The following PTGER3 variants were observed in gnomAD, a reference collection of about 807,000 sequenced individuals.
The protein encoded by PTGER3 is prostaglandin E receptor 3, also known as prostaglandin E2 receptor EP3 subtype.
Under a neutral mutation model 34.7 loss-of-function variants are expected in PTGER3, and 22 were observed. That is an observed-to-expected ratio of 0.63 (90% CI 0.45 to 0.91). The LOEUF (loss-of-function observed/expected upper bound fraction) is 0.91, where lower values mean the gene tolerates loss of function less well. Ranked by LOEUF, PTGER3 falls within the 40% of genes least tolerant of loss-of-function variation. PTGER3 has a pLI of 0.00. For synonymous variants in PTGER3, 241 were observed against 230.1 expected (o/e 1.05, Z -0.43); for missense variants, 468 against 519.4 (o/e 0.90, Z 0.96).
intron 2 of PTGER3, chr1:71,007,079 A>G: frequency 2.0e-6 from 2 of 984,808 alleles, no homozygotes; most frequent in Non-Finnish European, 2.4e-6. Flanking sequence ...AAAACTTTAC[A>G]TAGAGGTGAT....
chr1:70,862,871 A>T (rs1449385011), intron 4 of PTGER3, among the ~76,000 whole-genome samples: 1 of 152,136 alleles, frequency 6.6e-6, no homozygotes, highest in Non-Finnish European at 1.5e-5. Context: ...GGATAACTGA[A>T]TGGTTCTTAG....
chr1:70,862,501 A>G lies in PTGER3; in HGVS notation c.*24-9642T>C, dbSNP rs569893687. 2.7e-4 allele frequency: 180 copies of G among 672,452 alleles called. 1 individual carries two copies. Among genetic ancestry groups the G allele is most frequent in the South Asian group, 6.8e-4 (47 of 69,312 alleles). The allele number at this position is 672,452 out of a possible 1,614,324, so 41.7% of individuals were successfully genotyped here. A position where few individuals can be genotyped will look rare whatever the true frequency, so the allele number is the denominator to read the frequency against. ...TTTGGATATGGTGTAATGGTGAACT[A>G]TAGGGAATTAAGGGAGGACAGGGGA... On this transcript the variant is annotated intron_variant, in intron 4 of 4. Transcript: ENST00000370931.
chr1:70,932,672 A>G (rs1318633562), intron 4 of PTGER3, among the ~76,000 whole-genome samples: 1 of 152,156 alleles, frequency 6.6e-6, no homozygotes, highest in Non-Finnish European at 1.5e-5. Flanking sequence ...AATTGCACCC[A>G]TGATTTATAT....
intron 4 of PTGER3, among the ~76,000 whole-genome samples, chr1:70,929,712 AAT>A (rs1259995978): frequency 6.6e-6 from 1 of 152,196 alleles, no homozygotes. Flanking sequence ...AGAAATAAAC[AAT>A]AGTTTTAACT....
chr1:70,901,902 A>C (rs12041247), intron 4 of PTGER3, among the ~76,000 whole-genome samples: 7,189 of 152,262 alleles, frequency 0.047, 547 homozygotes, highest in South Asian at 0.21. Context: ...ATTAAACTTC[A>C]AAAATATCAG....
At chr1:71,006,574 G>T in intron 2 of PTGER3, 1 of 981,610 alleles carries the variant, frequency 1.0e-6, no homozygotes, top group Non-Finnish European at 1.2e-6. Flanking sequence ...TGCACTCTGT[G>T]TTAAGAACAA....
rs767975894 is a variant in PTGER3 at position 70,922,628 on chromosome 1, CA to C, written c.*23+31134del. Among the ~76,000 whole-genome samples the C allele has an allele frequency of 3.6e-4, 52 of 145,326 alleles. No individual in the cohort carries two copies. The East Asian group carries it at 8.4e-3, about 23-fold the overall frequency. On this transcript the variant is annotated intron_variant, in intron 4 of 4. Transcript: ENST00000370931. ...ATCCCTTACTTACCAAGGCTTTCAC[CA>C]AAAAAAAAAGTTGCTAAGAGTTAAC... is the stretch of plus-strand genomic sequence containing the variant.
intron 2 of PTGER3, among the ~76,000 whole-genome samples, chr1:70,963,566 G>A (rs555774557): frequency 5.9e-5 from 9 of 152,274 alleles, no homozygotes; most frequent in Non-Finnish European, 8.8e-5. Context: ...CAAGGCCCAG[G>A]GCCTGCGCCC....
chr1:70,934,167 A>G (rs1648986613), intron 4 of PTGER3, among the ~76,000 whole-genome samples: 1 of 152,274 alleles, frequency 6.6e-6, no homozygotes, highest in Non-Finnish European at 1.5e-5. Context: ...TAGAAAACTA[A>G]ACTCGTAATT....
chr1:70,929,104 T>C (rs1648447193), intron 4 of PTGER3, among the ~76,000 whole-genome samples: 1 of 152,200 alleles, frequency 6.6e-6, no homozygotes, highest in Non-Finnish European at 1.5e-5. Context: ...TATTATCTTC[T>C]GTCATAGAAA....
In PTGER3 at chr1:71,011,788, G is replaced by A. The variant is rs567334846; in HGVS notation, c.1077+517C>T. Reference sequence around the variant, plus strand: ...AAGGAGGAAAAAAGTGACAGAAAGCGAGAGAGGCAATGAAAGAGAACACAG... The same window carrying A: ...AAGGAGGAAAAAAGTGACAGAAAGCAAGAGAGGCAATGAAAGAGAACACAG... On this transcript the variant is annotated intron_variant, in intron 2 of 3. Transcript: ENST00000306666. 3.4e-5 allele frequency: 34 copies of A among 989,012 alleles called. No individual in the cohort carries two copies. The South Asian group carries it at 1.2e-3, about 35-fold the overall frequency. 61.3% of individuals were successfully genotyped at this position (989,012 alleles called of 1,614,324 possible). A position where few individuals can be genotyped will look rare whatever the true frequency, so the allele number is the denominator to read the frequency against.
chr1:70,956,473 T>C (rs1651348767), intron 2 of PTGER3, among the ~76,000 whole-genome samples: 1 of 151,948 alleles, frequency 6.6e-6, no homozygotes, highest in Non-Finnish European at 1.5e-5. Flanking sequence ...GGGGCATGAG[T>C]ACACAAATAC....
chr1:71,019,025 A>G (rs1450362494), intron 1 of PTGER3, among the ~76,000 whole-genome samples: 4 of 152,190 alleles, frequency 2.6e-5, no homozygotes, highest in Admixed American at 1.3e-4. Flanking sequence ...GGGGCTCCAA[A>G]TTCTTCATCC....
intron 4 of PTGER3, among the ~76,000 whole-genome samples, chr1:70,875,818 G>A (rs904251052): frequency 2.0e-5 from 3 of 152,004 alleles, no homozygotes; most frequent in Non-Finnish European, 4.4e-5. Flanking sequence ...TTTTATGGCT[G>A]TGTAATATGT....
At chr1:70,990,667 C>T (rs1340797504) in intron 2 of PTGER3, among the ~76,000 whole-genome samples, 1 of 151,884 alleles carries the variant, frequency 6.6e-6, no homozygotes, top group East Asian at 1.9e-4. Context: ...TTGTAGAGAT[C>T]GGGTTTCACA....
intron 2 of PTGER3, chr1:71,010,818 T>C (rs912180535): frequency 7.1e-6 from 7 of 984,966 alleles, no homozygotes; most frequent in African/African-American, 7.0e-5. Context: ...TTAGCCCCAA[T>C]TGACATAGGC....
chr1:71,007,464 AGTAG>A (rs1474602562), intron 2 of PTGER3: 1 of 985,278 alleles, frequency 1.0e-6, no homozygotes, highest in Non-Finnish European at 1.2e-6. Context: ...CTGGCCACTC[AGTAG>A]TACTACTGAT....
At chr1:71,011,860 T>C (rs1406011463) in intron 2 of PTGER3, 10 of 1,030,462 alleles carry the variant, frequency 9.7e-6, no homozygotes, top group African/African-American at 1.7e-5. Context: ...TCTTCAATGA[T>C]GTATGTGGTT....
At chr1:70,967,657 T>C (rs904593212), downstream of PTGER3, among the ~76,000 whole-genome samples, 3 of 152,166 alleles carry the variant, frequency 2.0e-5, no homozygotes, top group Non-Finnish European at 2.9e-5. Flanking sequence ...GTATATTTTA[T>C]ACAGATCCTT....
Sources: gnomAD v4.1 joint callset for allele counts (sites outside exome capture counted in the v4.1 genomes callset) on GRCh38, gnomAD v4.1.1 for gene constraint, MANE v1.5 for transcripts, NCBI Gene and HGNC (gene_info 2026-07-23, HGNC 2026-07-21) for gene names.